The following RIC3 variants were observed in gnomAD, a reference collection of about 807,000 sequenced individuals.
RIC3 encodes RIC3 acetylcholine receptor chaperone.
Under a neutral mutation model 27.3 loss-of-function variants are expected in RIC3, and 28 were observed. That is an observed-to-expected ratio of 1.02 (90% CI 0.76 to 1.41). The LOEUF is 1.41. Ranked by LOEUF, RIC3 falls within the 40% of genes most tolerant of loss-of-function variation. The pLI is 0.00. For synonymous variants in RIC3, 184 were observed against 160.4 expected, an observed-to-expected ratio of 1.15 and a Z score of -1.11; for missense variants, 501 against 444.7, an observed-to-expected ratio of 1.13 and a Z score of -1.14.
At chr11:8,134,528 G>C (rs1488533219) in intron 4 of RIC3, among the ~76,000 whole-genome samples, 1 of 152,172 alleles carries the variant, frequency 6.6e-6, no homozygotes, top group Admixed American at 6.5e-5. Context: ...GCATGGCTGG[G>C]TCAAATGGTA....
exon 1 of RIC3, chr11:8,169,023 GCCGGAA>G (rs553326402): frequency 1.8e-5 from 28 of 1,518,176 alleles, no homozygotes; most frequent in African/African-American, 1.2e-4. Flanking sequence ...GCAGACGCCA[GCCGGAA>G]CCGGAACCGG....
At position 8,109,591 on chromosome 11, in the gene RIC3, C is replaced by G. The variant is rs1352985351; in HGVS notation, c.*1107G>C. On this transcript the variant is annotated 3_prime_UTR_variant, in exon 6 of 6. Transcript: ENST00000309737. ...GCACTGCTATATTGGTTCTCTGCAA[C>G]AGACATACTCCAACTTCCCTCTTGA... 6.6e-6 allele frequency: 1 copy of G among 152,216 alleles called. No homozygotes were observed. The highest frequency in any genetic ancestry group is 2.4e-5 in the African/African-American group (1 of 41,454). The allele number at this position is 152,216 out of a possible 1,614,324, so 9.4% of individuals were successfully genotyped here.
chr11:8,095,364 TA>T, the RIC3 span: 2 of 889,280 alleles, frequency 2.2e-6, no homozygotes, highest in Non-Finnish European at 1.7e-6. Context: ...ATTAGTTTTA[TA>T]AAAATCACTT....
rs1027842664 is a variant in RIC3 at position 8,148,852 on chromosome 11, C to A, written c.125-8659G>T. On this transcript the variant is annotated intron_variant, in intron 1 of 5. Coordinates refer to ENST00000309737, the MANE Select transcript of RIC3 (RefSeq NM_001206671.4). Reference sequence around the variant, plus strand: ...CTTTTTACTAGATAAACTAAATATTCAAGTTTTGAAAAGATGCAAAATCTT... The same window carrying A: ...CTTTTTACTAGATAAACTAAATATTAAAGTTTTGAAAAGATGCAAAATCTT... Among the ~76,000 whole-genome samples, 39 of 151,878 alleles carry A rather than the reference C, an allele frequency of 2.6e-4. 1 individual carries two copies. The highest frequency in any genetic ancestry group is 1.9e-3 in the Admixed American group (29 of 15,228).
the RIC3 span, among the ~76,000 whole-genome samples, chr11:8,095,219 G>T: frequency 6.6e-6 from 1 of 152,144 alleles, no homozygotes; most frequent in Non-Finnish European, 1.5e-5. Flanking sequence ...AGTTGGTTTT[G>T]TAGATGGCTG....
intron 4 of RIC3, among the ~76,000 whole-genome samples, chr11:8,130,769 G>C (rs537828703): frequency 1.3e-5 from 2 of 152,018 alleles, no homozygotes; most frequent in Non-Finnish European, 2.9e-5. Flanking sequence ...TGTGTTGTGG[G>C]GGGGAGAGAG....
chr11:8,095,784 G>A, the RIC3 span: 1 of 1,130,386 alleles, frequency 8.8e-7, no homozygotes, highest in East Asian at 2.6e-5. Flanking sequence ...TGGTGGGTGA[G>A]GGTGGGGCAC....
At chr11:8,152,665 A>G (rs376863727) in intron 1 of RIC3, among the ~76,000 whole-genome samples, 1 of 152,180 alleles carries the variant, frequency 6.6e-6, no homozygotes, top group African/African-American at 2.4e-5. Context: ...CTGTAGTGAT[A>G]GTTGCACAAC....
At chr11:8,112,036 T>C (rs1945326920) in intron 5 of RIC3, among the ~76,000 whole-genome samples, 1 of 152,218 alleles carries the variant, frequency 6.6e-6, no homozygotes, top group Admixed American at 6.5e-5. Flanking sequence ...ACGTAAACCA[T>C]TTTTTGCCTA....
At chr11:8,118,167 G>A (rs1024969983) in intron 5 of RIC3, among the ~76,000 whole-genome samples, 1 of 147,976 alleles carries the variant, frequency 6.8e-6, no homozygotes, top group African/African-American at 2.5e-5. Flanking sequence ...AGCTTGTAGT[G>A]AGCCAAGACC....
At chr11:8,094,149 G>C in the RIC3 span, 2 of 1,613,912 alleles carry the variant, frequency 1.2e-6, no homozygotes, top group African/African-American at 1.3e-5. Context: ...CAGGGGGCCA[G>C]GGTGGCGCCG....
chr11:8,161,214 A>T (rs2134280577), intron 1 of RIC3, among the ~76,000 whole-genome samples: 1 of 152,280 alleles, frequency 6.6e-6, no homozygotes, highest in African/African-American at 2.4e-5. Flanking sequence ...GAGATATTTA[A>T]TTTTTTATCT....
intron 4 of RIC3, among the ~76,000 whole-genome samples, chr11:8,131,634 C>T (rs1370098454): frequency 2.6e-5 from 4 of 152,080 alleles, no homozygotes. Context: ...GGTGCGGTGG[C>T]TCACGACTGT....
At chr11:8,124,104 A>AGAGAAAGCAAGCAAGC (rs1946757212) in intron 5 of RIC3, among the ~76,000 whole-genome samples, 2 of 146,954 alleles carry the variant, frequency 1.4e-5, no homozygotes, top group Admixed American at 7.4e-5. Context: ...AAAAAGAAAA[A>AGAGAAAGCAAGCAAGC]GAGAAAGCAA....
At chr11:8,122,724 T>C (rs1946588792) in intron 5 of RIC3, among the ~76,000 whole-genome samples, 3 of 151,970 alleles carry the variant, frequency 2.0e-5, no homozygotes, top group Non-Finnish European at 4.4e-5. Flanking sequence ...TGTTAAAGCT[T>C]TAAAGGATTC....
chr11:8,139,745 T>C lies in RIC3; in HGVS notation c.351+222A>G, dbSNP rs1590234721. Reference sequence around the variant, plus strand: ...TCAAGTCCTAGTTCTGCCTTGTTAGTTGTGAATTTTGGGGCAAAACACTTA... The same window carrying C: ...TCAAGTCCTAGTTCTGCCTTGTTAGCTGTGAATTTTGGGGCAAAACACTTA... On this transcript the variant is annotated intron_variant, in intron 2 of 5. Transcript: ENST00000309737. 12 of 532,834 alleles carry C rather than the reference T, an allele frequency of 2.3e-5. No individual in the cohort carries two copies. In the East Asian group the frequency reaches 3.3e-4, roughly 15 times the overall value. The allele number at this position is 532,834 out of a possible 1,614,324, so 33.0% of individuals were successfully genotyped here.
intron 4 of RIC3, among the ~76,000 whole-genome samples, chr11:8,136,093 C>T (rs1355703780): frequency 6.6e-6 from 1 of 152,140 alleles, no homozygotes; most frequent in African/African-American, 2.4e-5. Context: ...GGTCAAGGCT[C>T]CTGGGCCCAC....
downstream of RIC3, chr11:8,103,207 C>T (rs72848490): frequency 0.021 from 3,160 of 152,280 alleles, 56 homozygotes; most frequent in Admixed American, 0.04. Context: ...CCTCCACTAC[C>T]GCTATTTCTC....
At chr11:8,128,050 A>G (rs1947198818) in intron 4 of RIC3, among the ~76,000 whole-genome samples, 1 of 152,202 alleles carries the variant, frequency 6.6e-6, no homozygotes, top group African/African-American at 2.4e-5. Context: ...TCTGTTCCAC[A>G]TTCAGCTAAA....
Sources: gnomAD v4.1 joint callset for allele counts (sites outside exome capture counted in the v4.1 genomes callset) on GRCh38, gnomAD v4.1.1 for gene constraint, MANE v1.5 for transcripts, NCBI Gene and HGNC (gene_info 2026-07-23, HGNC 2026-07-21) for gene names.